LRRC7: variants seen among roughly 807,000 people sequenced by gnomAD.
The protein encoded by LRRC7 is leucine-rich repeat-containing protein 7.
In LRRC7, 23 loss-of-function variants were observed where a neutral mutation model predicts 175.7. The ratio of observed to expected loss-of-function variants is 0.13; its 90% CI spans 0.09 to 0.19. LRRC7 has a LOEUF of 0.19. LRRC7 is among the 10% of genes least tolerant of loss of function. The pLI is 1.00. For missense variants in LRRC7, 1,354 were observed against 1,904.7 expected (o/e 0.71, Z 5.38); for synonymous variants, 685 against 680.9 (o/e 1.01, Z -0.09).
intron 7 of LRRC7, among the ~76,000 whole-genome samples, chr1:69,912,849 G>A (rs1646574030): frequency 6.6e-6 from 1 of 151,954 alleles, no homozygotes; most frequent in Non-Finnish European, 1.5e-5. Context: ...CTGTTATTAA[G>A]GTACAATTTT....
chr1:69,867,080 A>G (rs1423381437), intron 7 of LRRC7, among the ~76,000 whole-genome samples: 4 of 152,118 alleles, frequency 2.6e-5, no homozygotes, highest in Non-Finnish European at 5.9e-5. Context: ...GGAATTTAGA[A>G]ATGTGAAAAA....
At chr1:69,974,354 A>G (rs927495914) in intron 8 of LRRC7, among the ~76,000 whole-genome samples, 7 of 152,166 alleles carry the variant, frequency 4.6e-5, no homozygotes, top group African/African-American at 1.7e-4. Flanking sequence ...TAGGTAGGAT[A>G]GTTGCTTAGA....
intron 12 of LRRC7, among the ~76,000 whole-genome samples, chr1:70,012,499 G>T (rs1343586725): frequency 6.6e-6 from 1 of 151,700 alleles, no homozygotes; most frequent in Non-Finnish European, 1.5e-5. Flanking sequence ...TTATAATGAT[G>T]CAACAATAAA....
At chr1:69,929,818 A>G (rs1222588185) in intron 7 of LRRC7, among the ~76,000 whole-genome samples, 1 of 152,222 alleles carries the variant, frequency 6.6e-6, no homozygotes, top group Non-Finnish European at 1.5e-5. Context: ...AATCAAAGCC[A>G]AAGTCTCTAC....
intron 7 of LRRC7, among the ~76,000 whole-genome samples, chr1:69,877,685 G>A (rs1372413751): frequency 6.6e-6 from 1 of 151,958 alleles, no homozygotes; most frequent in African/African-American, 2.4e-5. Context: ...TCCTACCCTA[G>A]CCCCAGGTAA....
intron 7 of LRRC7, among the ~76,000 whole-genome samples, chr1:69,922,011 TGC>T (rs1264788486): frequency 6.6e-6 from 1 of 152,154 alleles, no homozygotes; most frequent in Non-Finnish European, 1.5e-5. Flanking sequence ...CTGCAACCTC[TGC>T]CTCCCAGATT....
intron 3 of LRRC7, among the ~76,000 whole-genome samples, chr1:69,774,291 T>C (rs1672569944): frequency 1.3e-5 from 2 of 152,226 alleles, no homozygotes; most frequent in South Asian, 4.1e-4. Flanking sequence ...CGATGTGCTT[T>C]ACATTTAGAA....
chr1:69,766,034 C>T (rs1374030754), intron 3 of LRRC7, among the ~76,000 whole-genome samples: 1 of 146,282 alleles, frequency 6.8e-6, no homozygotes, highest in Non-Finnish European at 1.5e-5. Flanking sequence ...AATCAACAGA[C>T]CAAAAAAAAA....
At chr1:69,963,997 C>A (rs911431663) in intron 8 of LRRC7, among the ~76,000 whole-genome samples, 3 of 152,204 alleles carry the variant, frequency 2.0e-5, no homozygotes, top group African/African-American at 7.2e-5. Flanking sequence ...ATGCTACCAT[C>A]ATTCTAAGGC....
chr1:70,129,892 A>G lies in LRRC7; in HGVS notation c.*8005A>G, dbSNP rs1471114960. Among the ~76,000 whole-genome samples, 1 of 152,214 alleles carries G rather than the reference A, an allele frequency of 6.6e-6. No homozygotes were observed. The highest frequency in any genetic ancestry group is 1.5e-5 in the Non-Finnish European group (1 of 68,038). Reference sequence around the variant, plus strand: ...TATGCATACTCAGTGTTTTAGACACATATAAATCCTTACTTTTCCAAGTAT... The same window carrying G: ...TATGCATACTCAGTGTTTTAGACACGTATAAATCCTTACTTTTCCAAGTAT... On this transcript the variant is annotated 3_prime_UTR_variant, in exon 27 of 27. Coordinates refer to ENST00000651989, the MANE Select transcript of LRRC7 (RefSeq NM_001370785.2).
At chr1:70,076,031 C>T (rs1662745712) in intron 23 of LRRC7, 46 bp from the exon 24 acceptor site, 1 of 1,601,274 alleles carries the variant, frequency 6.2e-7, no homozygotes, top group Non-Finnish European at 8.5e-7. Context: ...TAATCACATC[C>T]TTTCAGCACC....
At chr1:69,688,709 G>T (rs886638232) in intron 2 of LRRC7, among the ~76,000 whole-genome samples, 1 of 150,134 alleles carries the variant, frequency 6.7e-6, no homozygotes, top group Non-Finnish European at 1.5e-5. Flanking sequence ...TGGCCTAAAT[G>T]ATGTTACATC....
At chr1:69,844,712 T>G (rs1296282121) in intron 7 of LRRC7, among the ~76,000 whole-genome samples, 1 of 152,098 alleles carries the variant, frequency 6.6e-6, no homozygotes, top group Non-Finnish European at 1.5e-5. Flanking sequence ...AGAAGTGGGA[T>G]TGCTGGATCA....
intron 2 of LRRC7, among the ~76,000 whole-genome samples, chr1:69,685,778 G>C (rs1181935817): frequency 6.6e-6 from 1 of 151,964 alleles, no homozygotes. Context: ...TCCCAGGAGA[G>C]GAGAAGGAGT....
intron 3 of LRRC7, among the ~76,000 whole-genome samples, chr1:69,781,511 G>T (rs993423896): frequency 6.6e-6 from 1 of 150,884 alleles, no homozygotes; most frequent in Non-Finnish European, 1.5e-5. Flanking sequence ...GTGAAGTCCC[G>T]TCTGTACCAA....
chr1:69,904,270 G>T (rs1646227336), intron 7 of LRRC7, among the ~76,000 whole-genome samples: 1 of 152,074 alleles, frequency 6.6e-6, no homozygotes, highest in South Asian at 2.1e-4. Flanking sequence ...AAGAATTTTT[G>T]AGTAATTTTT....
intron 2 of LRRC7, among the ~76,000 whole-genome samples, chr1:69,724,328 C>T (rs762669377): frequency 1.4e-4 from 22 of 152,154 alleles, no homozygotes; most frequent in Non-Finnish European, 2.2e-4. Context: ...GGCGACAGAA[C>T]GAGACTCCAT....
chr1:69,740,742 C>G (rs1270087226), intron 2 of LRRC7, among the ~76,000 whole-genome samples: 1 of 152,048 alleles, frequency 6.6e-6, no homozygotes, highest in African/African-American at 2.4e-5. Context: ...CCACTTGTTA[C>G]AGTTCACGGT....
chr1:69,902,632 T>C (rs2154406), intron 7 of LRRC7, among the ~76,000 whole-genome samples: 54,787 of 151,954 alleles, frequency 0.36, 12,077 homozygotes, highest in East Asian at 0.55. Context: ...ATCAGTATAG[T>C]ACAAAAGTAA....
Sources: gnomAD v4.1 joint callset for allele counts (sites outside exome capture counted in the v4.1 genomes callset) on GRCh38, gnomAD v4.1.1 for gene constraint, MANE v1.5 for transcripts, NCBI Gene and HGNC (gene_info 2026-07-23, HGNC 2026-07-21) for gene names.